Variants in CT45A10 observed in about 807,000 individuals in gnomAD.
CT45A10 encodes the protein cancer/testis antigen family 45 member A10.
In CT45A10, 19 loss-of-function variants were observed where a neutral mutation model predicts 8.3. That is an observed-to-expected ratio of 2.30 (90% CI 1.61 to 3.38). The LOEUF (loss-of-function observed/expected upper bound fraction) is 3.38, where lower values mean the gene tolerates loss of function less well. CT45A10 is among the 30% of genes most tolerant of loss of function. The pLI is 0.00. For missense variants in CT45A10, 149 were observed against 85.9 expected (o/e 1.73, Z -2.90); for synonymous variants, 28 against 26.5 (o/e 1.06, Z -0.17).
chrX:135,882,971 T>C, intron 3 of CT45A10, 37 bp downstream of exon 3: 1 of 1,186,420 alleles, frequency 8.4e-7, no homozygotes, highest in Non-Finnish European at 1.1e-6. Context: ...AGTGACTTCC[T>C]ACAGTTTTAT....
intron 1 of CT45A10, among the ~76,000 whole-genome samples, chrX:135,891,366 AT>A (rs1488903501): frequency 2.8e-5 from 3 of 107,985 alleles, no homozygotes; most frequent in Non-Finnish European, 3.8e-5. Context: ...ATATATAAAA[AT>A]ATACATTAAT....
At chrX:135,890,001 A>G (rs975524771) in intron 1 of CT45A10, among the ~76,000 whole-genome samples, 14 of 111,901 alleles carry the variant, frequency 1.3e-4, no homozygotes, top group African/African-American at 4.5e-4. Context: ...TTGTTCTGTT[A>G]GCTGCTGCAT....
chrX:135,890,261 G>T (rs192392044), intron 1 of CT45A10, among the ~76,000 whole-genome samples: 13 of 112,648 alleles, frequency 1.2e-4, no homozygotes, highest in African/African-American at 4.2e-4. Flanking sequence ...AGTCGAGGCA[G>T]CCCCTTAGGC....
At chrX:135,893,264 C>G (rs1217343403) in intron 1 of CT45A10, among the ~76,000 whole-genome samples, 81 bp downstream of exon 1, 1 of 111,605 alleles carries the variant, frequency 9.0e-6, no homozygotes, top group Non-Finnish European at 1.9e-5. Context: ...AAGACACTTT[C>G]TGAGGAAAAA....
chrX:135,892,227 C>T (rs912068880), intron 1 of CT45A10, among the ~76,000 whole-genome samples: 15 of 110,871 alleles, frequency 1.4e-4, no homozygotes, highest in Non-Finnish European at 2.3e-4. Flanking sequence ...GCACGAGAAT[C>T]GAGCGAGCCT....
chrX:135,890,161 G>A (rs186542732), intron 1 of CT45A10, among the ~76,000 whole-genome samples: 5 of 112,296 alleles, frequency 4.5e-5, no homozygotes, highest in African/African-American at 6.5e-5. Context: ...GCTCCCAGCC[G>A]AATAAACCAC....
chrX:135,891,353 G>T (rs1368649973), intron 1 of CT45A10, among the ~76,000 whole-genome samples: 1 of 106,802 alleles, frequency 9.4e-6, no homozygotes, highest in Non-Finnish European at 1.9e-5. Context: ...TATAGGATAG[G>T]TTATATATAA....
chrX:135,883,309 T>C, intron 2 of CT45A10, 53 bp from the exon 3 acceptor site: 1 of 1,194,618 alleles, frequency 8.4e-7, no homozygotes, highest in Middle Eastern at 3.3e-4. Context: ...GACCACTTTC[T>C]TTCCCCTCCA....
chrX:135,893,291 G>T (rs1556591105), intron 1 of CT45A10, among the ~76,000 whole-genome samples, 54 bp downstream of exon 1: 1 of 111,841 alleles, frequency 8.9e-6, no homozygotes, highest in Non-Finnish European at 1.9e-5. Context: ...TTTCCCGGGC[G>T]AAATTAAAGC....
At chrX:135,890,292 A>G (rs1395186020) in intron 1 of CT45A10, among the ~76,000 whole-genome samples, 2 of 112,549 alleles carry the variant, frequency 1.8e-5, no homozygotes, top group Non-Finnish European at 3.8e-5. Flanking sequence ...TGCCCTGTAG[A>G]GCATCCCTGC....
At chrX:135,882,699 A>C (rs1419350103) in intron 3 of CT45A10, 70 bp from the exon 4 acceptor site, 3 of 549,081 alleles carry the variant, frequency 5.5e-6, no homozygotes, top group Non-Finnish European at 8.6e-6. Context: ...TCTACACCTC[A>C]GCAATCATGC....
At chrX:135,889,834 A>G (rs1177480928) in intron 1 of CT45A10, among the ~76,000 whole-genome samples, 1 of 73,727 alleles carries the variant, frequency 1.4e-5, no homozygotes, top group African/African-American at 4.2e-5. Flanking sequence ...AAGTTGGAAA[A>G]AAAAAAAAAA....
chrX:135,882,606 G>T lies in CT45A10; in HGVS notation c.442C>A (p.Leu148Ile), dbSNP rs1243353852. The T allele has an allele frequency of 8.6e-7, 1 of 1,160,579 alleles. No individual in the cohort carries two copies. Among genetic ancestry groups the T allele is most frequent in the South Asian group, 1.8e-5 (1 of 54,531 alleles). Reference protein sequence around the residue: ...GRKYEKIFEMLEGVQGPTAVR... With the variant: ...GRKYEKIFEMIEGVQGPTAVR... ...GCAGTAGGTCCTTGCACTCCTTCAAGCATTTCGAAGATTTTTTCATATTCT... is the reference window on the plus strand; with the variant it reads ...GCAGTAGGTCCTTGCACTCCTTCAATCATTTCGAAGATTTTTTCATATTCT... The change falls in exon 4 of 5, where the codon CTT becomes ATT. Residue 148 changes from leucine to isoleucine, a missense_variant. By Grantham distance (5) the Leu-to-Ile change is conservative. Coordinates refer to ENST00000682849, the MANE Select transcript of CT45A10 (RefSeq NM_001291529.2).
chrX:135,891,505 G>A (rs1232455042), intron 1 of CT45A10, among the ~76,000 whole-genome samples: 7 of 108,729 alleles, frequency 6.4e-5, no homozygotes, highest in African/African-American at 1.3e-4. Flanking sequence ...AGCAAACATC[G>A]CAATAAAATT....
Position 135,889,529 on chromosome X carries a change from A to C in CT45A10, c.-7+3816T>G, listed in dbSNP as rs1471448111. 1.2e-4 allele frequency among the ~76,000 whole-genome samples: 13 copies of C among 110,805 alleles called. No individual in the cohort carries two copies. In the South Asian group the frequency reaches 1.5e-3, roughly 13 times the overall value. On this transcript the variant is annotated intron_variant, in intron 1 of 4. Coordinates refer to ENST00000682849, the MANE Select transcript of CT45A10 (RefSeq NM_001291529.2). ...AAGAAGCAACAACAACAACAAACTG[A>C]AATTTTCATTTGAGGGGGTTGTTTT...
intron 3 of CT45A10, among the ~76,000 whole-genome samples, 167 bp downstream of exon 3, chrX:135,882,841 G>A (rs1354494374): frequency 1.9e-5 from 2 of 105,558 alleles, no homozygotes; most frequent in Non-Finnish European, 3.9e-5. Flanking sequence ...AAAAGAAAAA[G>A]AAAAAATGTA....
At chrX:135,890,482 C>T (rs1280493649) in intron 1 of CT45A10, among the ~76,000 whole-genome samples, 1 of 112,603 alleles carries the variant, frequency 8.9e-6, no homozygotes, top group Non-Finnish European at 1.9e-5. Flanking sequence ...CTTGGTAAGA[C>T]TGGTCTTTGG....
chrX:135,883,017 G>A lies in CT45A10; in HGVS notation c.409C>T (p.Leu137Phe), dbSNP rs1569520293. ...TTCTTACACTACTTACTTCGTCCAAGGCATCGGATTTCCTTCACTACTTGA... is the reference window on the plus strand; with the variant it reads ...TTCTTACACTACTTACTTCGTCCAAAGCATCGGATTTCCTTCACTACTTGA... Reference protein sequence around the residue: ...KCQVVKEIRCLGRKYEKIFEM... With the variant: ...KCQVVKEIRCFGRKYEKIFEM... Residue 137 changes from leucine (L) to phenylalanine (F), a missense_variant, in exon 3 of 5, where the codon CTT (leucine) becomes TTT (phenylalanine). Leu to Phe is a conservative substitution (Grantham distance 22). Transcript: ENST00000682849. The A allele has an allele frequency of 2.5e-6, 3 of 1,196,708 alleles. No homozygotes were observed. The highest frequency in any genetic ancestry group is 3.4e-6 in the Non-Finnish European group (3 of 885,229).
At chrX:135,887,684 G>A (rs1489601661) in intron 1 of CT45A10, among the ~76,000 whole-genome samples, 25 of 108,538 alleles carry the variant, frequency 2.3e-4, no homozygotes, top group African/African-American at 8.1e-4. Flanking sequence ...GCTGGGTGTG[G>A]TGGCACTGCA....
Sources: gnomAD v4.1 joint callset for allele counts (sites outside exome capture counted in the v4.1 genomes callset) on GRCh38, gnomAD v4.1.1 for gene constraint, MANE v1.5 for transcripts, NCBI Gene and HGNC (gene_info 2026-07-23, HGNC 2026-07-21) for gene names.